ZBTB46: variants seen among roughly 807,000 people sequenced by gnomAD.
ZBTB46 encodes zinc finger and BTB domain containing 46, also known as zinc finger and BTB domain-containing protein 46.
Under a neutral mutation model 44.1 loss-of-function variants are expected in ZBTB46, and 8 were observed. That is an observed-to-expected ratio of 0.18 (90% CI 0.11 to 0.33). The LOEUF is 0.33. ZBTB46 is among the 10% of genes least tolerant of loss of function. The probability of loss-of-function intolerance (pLI) is 1.00; values close to 1 mark genes in which losing one functional copy is unlikely to be tolerated. For missense variants in ZBTB46, 651 were observed against 847.7 expected (o/e 0.77, Z 2.88); for synonymous variants, 409 against 382.3 (o/e 1.07, Z -0.81).
chr20:63,817,020 G>A (rs1015646465), intron 1 of ZBTB46, among the ~76,000 whole-genome samples: 2 of 151,968 alleles, frequency 1.3e-5, no homozygotes, highest in Non-Finnish European at 2.9e-5. Flanking sequence ...CAGGAGAATC[G>A]CTTGAACCCA....
intron 1 of ZBTB46, among the ~76,000 whole-genome samples, chr20:63,793,321 C>G (rs924310443): frequency 6.6e-6 from 1 of 152,160 alleles, no homozygotes; most frequent in Admixed American, 6.5e-5. Flanking sequence ...GGTTCTTGAC[C>G]GGAGAGCATC....
At chr20:63,815,427 G>C (rs1327645491) in intron 1 of ZBTB46, among the ~76,000 whole-genome samples, 1 of 148,954 alleles carries the variant, frequency 6.7e-6, no homozygotes, top group East Asian at 2.0e-4. Context: ...GTGGGTGCAG[G>C]TGGGCACAGG....
At chr20:63,831,438 C>A (rs1276831742), upstream of ZBTB46, among the ~76,000 whole-genome samples, 1 of 143,966 alleles carries the variant, frequency 6.9e-6, no homozygotes, top group African/African-American at 2.5e-5. Context: ...CCGCCGGCCC[C>A]GCCCCTCGCT....
intron 1 of ZBTB46, among the ~76,000 whole-genome samples, chr20:63,806,419 AAAAAG>A (rs2092681895): frequency 6.9e-6 from 1 of 145,686 alleles, no homozygotes. Flanking sequence ...AAAAAAAAAA[AAAAAG>A]AAAGAAAAGA....
chr20:63,785,716 G>C (rs1909254706), intron 2 of ZBTB46, among the ~76,000 whole-genome samples: 1 of 152,192 alleles, frequency 6.6e-6, no homozygotes, highest in South Asian at 2.1e-4. Context: ...ATCCCAGCCT[G>C]AGGGCTCAGA....
chr20:63,756,719 C>A (rs1156385884), intron 3 of ZBTB46, among the ~76,000 whole-genome samples: 1 of 152,270 alleles, frequency 6.6e-6, no homozygotes, highest in Non-Finnish European at 1.5e-5. Context: ...CCAGAGAGCA[C>A]CCTCTGCCCT....
rs1436997702 is a variant in ZBTB46 at position 63,829,731 on chromosome 20, C to T, written c.-34+1366G>A. Among the ~76,000 whole-genome samples the T allele has an allele frequency of 3.3e-5, 5 of 152,316 alleles. No homozygotes were observed. The East Asian group carries it at 9.6e-4, about 29-fold the overall frequency. The stretch of plus-strand genomic sequence containing the variant: ...TGCTTCATTATTCATGTGAAAAACC[C>T]CTTCTATACATTTCCTTTTGATGAA... On this transcript the variant is annotated intron_variant, in intron 1 of 4. Coordinates refer to ENST00000245663, the MANE Select transcript of ZBTB46 (RefSeq NM_001369741.1).
At position 63,767,582 on chromosome 20, in the gene ZBTB46, C is replaced by T. The variant is rs6011098; in HGVS notation, c.1222+8096G>A. Among the ~76,000 whole-genome samples, 124,423 of 152,218 alleles carry T rather than the reference C, an allele frequency of 0.82. 51,107 individuals are homozygous for T. Among genetic ancestry groups the T allele is most frequent in the Middle Eastern group, 0.84 (248 of 294 alleles). On this transcript the variant is annotated intron_variant, in intron 3 of 4. Coordinates refer to ENST00000245663, the MANE Select transcript of ZBTB46 (RefSeq NM_001369741.1). This position sits in a 1 kb window ranked among gnomAD's most constrained non-coding sequence, Gnocchi z 5.0. ...CTGCACCCAGCTGGAGCCCGGGACCCGGACGCCAAAGCTCTGGCCGCAGCA... is the reference window on the plus strand; with the variant it reads ...CTGCACCCAGCTGGAGCCCGGGACCTGGACGCCAAAGCTCTGGCCGCAGCA...
At chr20:63,766,443 C>T (rs6011094) in intron 3 of ZBTB46, among the ~76,000 whole-genome samples, 76,682 of 150,696 alleles carry the variant, frequency 0.51, 20,380 homozygotes, top group African/African-American at 0.64. Context: ...CTAAAACTCC[C>T]GACCTCAGGT....
chr20:63,790,874 T>C, intron 1 of ZBTB46, 84 bp from the exon 2 acceptor site: 3 of 1,443,660 alleles, frequency 2.1e-6, no homozygotes, highest in South Asian at 1.5e-5. Context: ...AGGAGGGCCA[T>C]GGGGCACAGA....
intron 1 of ZBTB46, among the ~76,000 whole-genome samples, chr20:63,806,789 GT>G (rs1048528462): frequency 9.8e-5 from 14 of 143,082 alleles, no homozygotes; most frequent in East Asian, 2.0e-4. Flanking sequence ...TTTTGTTTTG[GT>G]TTTTTTTTTT....
At chr20:63,786,165 G>A (rs747940260) in intron 2 of ZBTB46, among the ~76,000 whole-genome samples, 2 of 152,194 alleles carry the variant, frequency 1.3e-5, no homozygotes, top group Admixed American at 6.5e-5. Flanking sequence ...CCAAAGCCGT[G>A]TCTCTTGCCA....
At chr20:63,808,483 A>T (rs1342870642) in intron 1 of ZBTB46, among the ~76,000 whole-genome samples, 1 of 151,904 alleles carries the variant, frequency 6.6e-6, no homozygotes, top group Non-Finnish European at 1.5e-5. Context: ...GCCCGGCGGG[A>T]GGGAAGGGGG....
chr20:63,775,861 T>C lies in ZBTB46; in HGVS notation c.1039A>G (p.Ser347Gly), dbSNP rs2092421422. ...GGGGTGAGGGGAGGGCCCAGATAGC[T>C]GGCTTCTCCTCCCAGGAGACCCTCC... is the stretch of plus-strand genomic sequence containing the variant. ...VEEGLLGGEA[S>G]YLGPPLTPEK... Residue 347 changes from serine (S) to glycine (G), a missense_variant, in exon 3 of 5, where the codon AGC becomes GGC. By Grantham distance (56) the Ser-to-Gly change is moderately conservative (BLOSUM62 0). Coordinates refer to ENST00000245663, the MANE Select transcript of ZBTB46 (RefSeq NM_001369741.1). 2 of 1,613,286 alleles carry C rather than the reference T, an allele frequency of 1.2e-6. No homozygotes were observed. Among genetic ancestry groups the C allele is most frequent in the Non-Finnish European group, 1.7e-6 (2 of 1,179,948 alleles).
intron 2 of ZBTB46, among the ~76,000 whole-genome samples, chr20:63,776,264 C>G (rs11698493): frequency 0.1 from 15,325 of 152,282 alleles, 1,204 homozygotes; most frequent in East Asian, 0.44. Flanking sequence ...AGACCTGGTA[C>G]CTGCTCTGCT....
At chr20:63,781,399 G>C (rs1228769461) in intron 2 of ZBTB46, among the ~76,000 whole-genome samples, 1 of 152,132 alleles carries the variant, frequency 6.6e-6, no homozygotes, top group Non-Finnish European at 1.5e-5. Flanking sequence ...TCACCACGTA[G>C]ACAGCCCAAT....
At chr20:63,830,321 G>A in intron 1 of ZBTB46, among the ~76,000 whole-genome samples, 1 of 152,016 alleles carries the variant, frequency 6.6e-6, no homozygotes, top group Non-Finnish European at 1.5e-5. Context: ...GCTCCCCCGC[G>A]AAACTGACAT....
chr20:63,800,915 C>T (rs2092639332), intron 1 of ZBTB46, among the ~76,000 whole-genome samples: 1 of 152,230 alleles, frequency 6.6e-6, no homozygotes, highest in African/African-American at 2.4e-5. Flanking sequence ...CTGAGGAGTG[C>T]AGGTGCACAG....
intron 1 of ZBTB46, among the ~76,000 whole-genome samples, chr20:63,818,687 C>G (rs915531356): frequency 4.0e-5 from 6 of 151,074 alleles, no homozygotes; most frequent in Non-Finnish European, 5.9e-5. Context: ...AACCCCGTGT[C>G]TATTAAAAAA....
Sources: gnomAD v4.1 joint callset for allele counts (sites outside exome capture counted in the v4.1 genomes callset) on GRCh38, gnomAD v4.1.1 for gene constraint, Gnocchi (gnomAD v3.1) non-coding constraint, MANE v1.5 for transcripts, NCBI Gene and HGNC (gene_info 2026-07-23, HGNC 2026-07-21) for gene names.